FBXL17: variants seen among roughly 807,000 people sequenced by gnomAD.
FBXL17 encodes F-box/LRR-repeat protein 17.
A neutral mutation model predicts 66.2 loss-of-function variants in FBXL17; 22 were observed. The ratio of observed to expected loss-of-function variants is 0.33; its 90% CI spans 0.24 to 0.47. The LOEUF (loss-of-function observed/expected upper bound fraction) is 0.47. FBXL17 is among the 20% of genes least tolerant of loss of function. FBXL17 has a pLI of 1.00. For missense variants in FBXL17, 878 were observed against 948.2 expected (o/e 0.93, Z 0.97); for synonymous variants, 474 against 400.5 (o/e 1.18, Z -2.19).
At position 108,012,221 on chromosome 5, in the gene FBXL17, G is replaced by C. The variant is rs1326963916; in HGVS notation, c.1822+8704C>G. Among the ~76,000 whole-genome samples, 3 of 151,994 alleles carry C rather than the reference G, an allele frequency of 2.0e-5. No homozygotes were observed. The East Asian group carries it at 5.8e-4, about 29-fold the overall frequency. On this transcript the variant is annotated intron_variant, in intron 7 of 8. Transcript: ENST00000542267. ...AGTTAGTTATAATAATTTTAAAAGA[G>C]GATTCAGAAAAAATTTAACTCATGA...
At chr5:108,086,638 G>A (rs1193782093) in intron 6 of FBXL17, among the ~76,000 whole-genome samples, 1 of 151,932 alleles carries the variant, frequency 6.6e-6, no homozygotes, top group African/African-American at 2.4e-5. Context: ...CGATCACTGC[G>A]ACCTCCGCCT....
At chr5:108,078,914 T>C (rs2149916581) in intron 6 of FBXL17, among the ~76,000 whole-genome samples, 1 of 152,352 alleles carries the variant, frequency 6.6e-6, no homozygotes, top group South Asian at 2.1e-4. Flanking sequence ...TTTGTTCATT[T>C]ACTTATTACT....
At chr5:108,100,743 T>C (rs1436372247) in intron 6 of FBXL17, among the ~76,000 whole-genome samples, 1 of 152,204 alleles carries the variant, frequency 6.6e-6, no homozygotes, top group Admixed American at 6.5e-5. Flanking sequence ...TTTTGTTCTG[T>C]TTTTAAGAGT....
chr5:108,009,835 C>CA (rs1232506658), intron 7 of FBXL17, among the ~76,000 whole-genome samples: 1 of 151,994 alleles, frequency 6.6e-6, no homozygotes, highest in Non-Finnish European at 1.5e-5. Context: ...TCTTTGCCTC[C>CA]AAAAAATATG....
At chr5:108,155,933 T>A (rs934525477) in intron 6 of FBXL17, among the ~76,000 whole-genome samples, 4 of 152,184 alleles carry the variant, frequency 2.6e-5, no homozygotes, top group African/African-American at 9.6e-5. Context: ...ACATAATTCT[T>A]ATATGCTGCC....
intron 6 of FBXL17, among the ~76,000 whole-genome samples, chr5:108,062,473 C>G (rs2112846827): frequency 6.6e-6 from 1 of 152,110 alleles, no homozygotes; most frequent in Admixed American, 6.5e-5. Context: ...TTATAGTTGA[C>G]TATTCTATTA....
At chr5:108,027,669 A>G (rs1038179773) in intron 6 of FBXL17, among the ~76,000 whole-genome samples, 4 of 152,130 alleles carry the variant, frequency 2.6e-5, no homozygotes, top group African/African-American at 4.8e-5. Context: ...TGTAGTTGAT[A>G]TTAATGTTCC....
chr5:108,167,310 A>G (rs1212134691), intron 6 of FBXL17, among the ~76,000 whole-genome samples: 1 of 152,232 alleles, frequency 6.6e-6, no homozygotes, highest in Admixed American at 6.5e-5. Context: ...TAAAGCATCG[A>G]TGATTGATGG....
At chr5:107,924,165 G>A (rs563106889) in intron 7 of FBXL17, among the ~76,000 whole-genome samples, 1 of 151,372 alleles carries the variant, frequency 6.6e-6, no homozygotes, top group East Asian at 1.9e-4. Flanking sequence ...GACTACAGGG[G>A]TGAGCCACTA....
At position 108,133,265 on chromosome 5, in the gene FBXL17, T is replaced by G. The variant is rs141508131; in HGVS notation, c.1745+52852A>C. On this transcript the variant is annotated intron_variant, in intron 6 of 8. Coordinates refer to ENST00000542267, the MANE Select transcript of FBXL17 (RefSeq NM_001163315.3). ...TTTCTATTTGTGTATCTAAAATTTT[T>G]TATATCAAGTTTGGCTCTTTTTTTT... Among the ~76,000 whole-genome samples, 292 of 152,300 alleles carry G rather than the reference T, an allele frequency of 1.9e-3. 2 individuals carry two copies. The highest frequency in any genetic ancestry group is 6.6e-3 in the African/African-American group (276 of 41,576).
At position 108,381,589 on chromosome 5, in the gene FBXL17, G is replaced by A. The variant is rs1410320136; in HGVS notation, c.103C>T (p.Arg35Cys). ...GGGGGCACCTTGGCTGGGGTCCGGC[G>A]GGGCAGCCTGAGGAGAGGGCGCCGG... ...RRRRPLLRLP[R>C]RTPAKVPPQP... Residue 35 changes from arginine to cysteine, a missense_variant, in exon 1 of 9, where the codon CGC becomes TGC. Physicochemically the swap from Arg to Cys is radical, Grantham distance 180. Transcript: ENST00000542267. 2 of 1,458,914 alleles carry A rather than the reference G, an allele frequency of 1.4e-6. No homozygotes were observed. Among genetic ancestry groups the A allele is most frequent in the East Asian group, 2.9e-5 (1 of 34,298 alleles). The allele number at this position is 1,458,914 out of a possible 1,614,324, so 90.4% of individuals were successfully genotyped here. A position where few individuals can be genotyped will look rare whatever the true frequency, so the allele number is the denominator to read the frequency against.
At chr5:107,981,053 G>C (rs752264400) in intron 7 of FBXL17, among the ~76,000 whole-genome samples, 1 of 152,048 alleles carries the variant, frequency 6.6e-6, no homozygotes, top group Non-Finnish European at 1.5e-5. Flanking sequence ...TTAGTCATTA[G>C]GGAGCTTATA....
At chr5:108,186,604 T>C (rs2150032876) in intron 5 of FBXL17, among the ~76,000 whole-genome samples, 1 of 151,990 alleles carries the variant, frequency 6.6e-6, no homozygotes, top group South Asian at 2.1e-4. Context: ...ACCCCATCTC[T>C]ACTAAAATAC....
At chr5:108,260,416 A>C (rs953038992) in intron 4 of FBXL17, among the ~76,000 whole-genome samples, 1 of 152,150 alleles carries the variant, frequency 6.6e-6, no homozygotes, top group South Asian at 2.1e-4. Context: ...AGGAAATAAG[A>C]ATTGATCTAA....
chr5:107,873,222 C>A (rs1288988324), intron 8 of FBXL17, among the ~76,000 whole-genome samples: 2 of 152,226 alleles, frequency 1.3e-5, no homozygotes, highest in Admixed American at 6.5e-5. Flanking sequence ...AGAAGCATAA[C>A]CTTGGCTGTC....
At chr5:108,215,659 G>A (rs536498283) in intron 5 of FBXL17, among the ~76,000 whole-genome samples, 1 of 152,220 alleles carries the variant, frequency 6.6e-6, no homozygotes, top group East Asian at 1.9e-4. Context: ...TCTGTCGATT[G>A]CCTCTTCAAT....
chr5:107,996,050 T>TA (rs11433330), intron 7 of FBXL17, among the ~76,000 whole-genome samples: 27,092 of 151,962 alleles, frequency 0.18, 6,759 homozygotes, highest in African/African-American at 0.56. Flanking sequence ...ATTTTATGGT[T>TA]GGTTATGACC....
At chr5:108,079,830 G>C (rs1748696513) in intron 6 of FBXL17, among the ~76,000 whole-genome samples, 1 of 152,102 alleles carries the variant, frequency 6.6e-6, no homozygotes, top group African/African-American at 2.4e-5. Flanking sequence ...AATTGCAATG[G>C]GCCTAATTTA....
intron 5 of FBXL17, among the ~76,000 whole-genome samples, chr5:108,205,912 T>C (rs922226513): frequency 9.9e-5 from 15 of 152,114 alleles, no homozygotes; most frequent in Non-Finnish European, 1.5e-4. Context: ...AATTTTTGTA[T>C]ATTTAGTAGC....
Sources: allele counts gnomAD v4.1 joint callset (sites outside exome capture counted in the v4.1 genomes callset), GRCh38; gene constraint gnomAD v4.1.1; transcripts MANE v1.5; gene names NCBI Gene and HGNC (gene_info 2026-07-23, HGNC 2026-07-21).